The following SPATA31G1 variants were observed in gnomAD, a reference collection of about 807,000 sequenced individuals.
SPATA31G1 encodes the protein spermatogenesis-associated protein 31G1.
chr9:35,042,575 T>G, the SPATA31G1 span: 1 of 1,580,912 alleles, frequency 6.3e-7, no homozygotes, highest in Non-Finnish European at 8.6e-7. Flanking sequence ...GGTGAGTGAC[T>G]ATAAGCCCTA....
chr9:35,043,445 G>T, the SPATA31G1 span: 1 of 1,614,166 alleles, frequency 6.2e-7, no homozygotes, highest in Non-Finnish European at 8.5e-7. Context: ...ATCCTCAGCT[G>T]CTTCCACCTC....
chr9:35,043,446 C>A, the SPATA31G1 span: 1 of 1,614,226 alleles, frequency 6.2e-7, no homozygotes, highest in South Asian at 1.1e-5. Flanking sequence ...TCCTCAGCTG[C>A]TTCCACCTCC....
the SPATA31G1 span, chr9:35,045,845 C>T: frequency 6.2e-7 from 1 of 1,609,976 alleles, no homozygotes; most frequent in African/African-American, 1.3e-5. Context: ...ACCATCGACC[C>T]CTACCCACCA....
At chr9:35,042,441 C>A in the SPATA31G1 span, 6 of 1,614,070 alleles carry the variant, frequency 3.7e-6, no homozygotes, top group Admixed American at 1.7e-5. Context: ...TGGGAGGTTG[C>A]GACAGCTTCA....
At chr9:35,042,977 A>G in the SPATA31G1 span, 12 of 1,614,190 alleles carry the variant, frequency 7.4e-6, no homozygotes, top group South Asian at 1.1e-5. Context: ...CTCTGGATCC[A>G]CTGAAGCCAT....
chr9:35,043,592 G>A, the SPATA31G1 span: 1 of 1,614,030 alleles, frequency 6.2e-7, no homozygotes, highest in African/African-American at 1.3e-5. Flanking sequence ...CTGGATATGA[G>A]ACTCATTTGG....
the SPATA31G1 span, chr9:35,043,917 G>C: frequency 6.2e-7 from 1 of 1,614,006 alleles, no homozygotes; most frequent in Non-Finnish European, 8.5e-7. Context: ...TGAGTCTCCA[G>C]TCTTGGACCT....
At chr9:35,044,517 A>G in the SPATA31G1 span, 1 of 1,614,046 alleles carries the variant, frequency 6.2e-7, no homozygotes, top group African/African-American at 1.3e-5. Context: ...TGTAGGGGAA[A>G]TGGAGCAAAA....
the SPATA31G1 span, chr9:35,042,397 T>A: frequency 2.5e-6 from 4 of 1,614,236 alleles, no homozygotes; most frequent in Non-Finnish European, 3.4e-6. Flanking sequence ...CTATTCTTAT[T>A]CGTGGTTTGG....
the SPATA31G1 span, chr9:35,042,466 G>A: frequency 1.2e-6 from 2 of 1,614,216 alleles, no homozygotes; most frequent in Non-Finnish European, 1.7e-6. Context: ...TGGTGCTCTG[G>A]GAATATGGTG....
At chr9:35,044,812 C>G in the SPATA31G1 span, 1 of 1,614,168 alleles carries the variant, frequency 6.2e-7, no homozygotes, top group South Asian at 1.1e-5. Flanking sequence ...CCCCTACACC[C>G]AGTACCCCAG....
chr9:35,043,291 A>C, the SPATA31G1 span: 6 of 1,614,112 alleles, frequency 3.7e-6, no homozygotes, highest in Non-Finnish European at 5.1e-6. Flanking sequence ...TCTCCTCTGA[A>C]GTGGTCTGTT....
chr9:35,044,151 T>C, the SPATA31G1 span: 3 of 1,614,044 alleles, frequency 1.9e-6, no homozygotes, highest in East Asian at 4.5e-5. Flanking sequence ...AGAGAACCTC[T>C]GGGCATCTGA....
At chr9:35,045,470 C>A in the SPATA31G1 span, 377 of 1,613,668 alleles carry the variant, frequency 2.3e-4, no homozygotes, top group Non-Finnish European at 3.1e-4. Context: ...AGAGAGAGCA[C>A]CCTAGGAAAC....
the SPATA31G1 span, chr9:35,041,466 G>A: frequency 1.2e-5 from 2 of 167,848 alleles, no homozygotes; most frequent in Non-Finnish European, 2.6e-5. Context: ...ATTGTGCTGG[G>A]TAGAGTGGCC....
the SPATA31G1 span, chr9:35,043,201 G>C: frequency 6.2e-7 from 1 of 1,614,212 alleles, no homozygotes; most frequent in African/African-American, 1.3e-5. Flanking sequence ...CAGCAGCAGA[G>C]AAAAAGCCAG....
At chr9:35,041,922 T>C in the SPATA31G1 span, 1 of 215,852 alleles carries the variant, frequency 4.6e-6, no homozygotes, top group Non-Finnish European at 9.4e-6. Context: ...ATATCTTTAT[T>C]TTATAGATAA....
chr9:35,044,599 T>G, the SPATA31G1 span: 1 of 1,614,200 alleles, frequency 6.2e-7, no homozygotes, highest in Non-Finnish European at 8.5e-7. Flanking sequence ...AAGTCCCACG[T>G]AAGTGAGCCT....
the SPATA31G1 span, chr9:35,044,186 A>T: frequency 1.2e-6 from 2 of 1,613,998 alleles, no homozygotes; most frequent in Non-Finnish European, 1.7e-6. Context: ...TTCATAGCAC[A>T]CCTCCAACCA....
Sources: gnomAD v4.1 joint callset for allele counts on GRCh38, gnomAD v4.1.1 for gene constraint, MANE v1.5 for transcripts, NCBI Gene and HGNC (gene_info 2026-07-23, HGNC 2026-07-21) for gene names.